Variants in SYT16 observed in about 807,000 individuals in gnomAD.
The protein encoded by SYT16 is synaptotagmin-16.
Under a neutral mutation model 61.4 loss-of-function variants are expected in SYT16, and 42 were observed. The ratio of observed to expected loss-of-function variants is 0.68; its 90% CI spans 0.53 to 0.89. The LOEUF (loss-of-function observed/expected upper bound fraction) is 0.89. Among genes scored for constraint, SYT16 ranks in the 40% least tolerant of loss-of-function variants. The pLI is 0.00. For missense variants in SYT16, 804 were observed against 807.3 expected, an observed-to-expected ratio of 1.00 and a Z score of 0.05; for synonymous variants, 314 against 302.3, an observed-to-expected ratio of 1.04 and a Z score of -0.40.
chr14:61,884,477 T>A lies in SYT16; in HGVS notation c.-325+71667T>A, dbSNP rs571675928. ...ACTGTGCTTCAGTCAATGATATGCA[T>A]ATATCCTACAATGAAAAAATCTAGG... On this transcript the variant is annotated intron_variant, in intron 1 of 7. Coordinates refer to ENST00000683842, the MANE Select transcript of SYT16 (RefSeq NM_001367656.1). 2.6e-5 allele frequency among the ~76,000 whole-genome samples: 4 copies of A among 152,344 alleles called. No individual in the cohort carries two copies. In the South Asian group the frequency reaches 8.3e-4, roughly 32 times the overall value.
chr14:62,003,811 T>C (rs1339251040), intron 3 of SYT16, among the ~76,000 whole-genome samples: 1 of 152,122 alleles, frequency 6.6e-6, no homozygotes, highest in Non-Finnish European at 1.5e-5. Context: ...TAAAAAAAGT[T>C]TGTGAGAAGT....
chr14:61,873,208 A>G (rs572147325), intron 1 of SYT16, among the ~76,000 whole-genome samples: 19 of 152,340 alleles, frequency 1.2e-4, no homozygotes, highest in Admixed American at 1.0e-3. Flanking sequence ...AATGTTTGCT[A>G]TTGCAAGCTT....
chr14:61,832,471 T>C (rs2045971740), intron 1 of SYT16: 2 of 386,320 alleles, frequency 5.2e-6, no homozygotes, highest in Non-Finnish European at 1.0e-5. Flanking sequence ...AGTTTTGCTC[T>C]TGTTGCCCAG....
chr14:62,008,925 A>G (rs2053334407), intron 3 of SYT16, among the ~76,000 whole-genome samples: 1 of 152,182 alleles, frequency 6.6e-6, no homozygotes, highest in Non-Finnish European at 1.5e-5. Flanking sequence ...CTGCAATATT[A>G]ATATCTCTTT....
At chr14:61,864,823 T>C in intron 1 of SYT16, 1 of 1,002,814 alleles carries the variant, frequency 1.0e-6, no homozygotes, top group Non-Finnish European at 1.5e-6. Flanking sequence ...CAGTCTACCA[T>C]TATGACGGTG....
At chr14:62,016,959 C>A (rs1260472188) in intron 3 of SYT16, among the ~76,000 whole-genome samples, 2 of 152,106 alleles carry the variant, frequency 1.3e-5, no homozygotes, top group African/African-American at 4.8e-5. Context: ...GTGCTAGATT[C>A]ATAATAAATA....
chr14:62,062,928 C>T (rs1295872100), intron 3 of SYT16, among the ~76,000 whole-genome samples: 1 of 152,202 alleles, frequency 6.6e-6, no homozygotes, highest in African/African-American at 2.4e-5. Flanking sequence ...AGGCTTGGAG[C>T]TACTCTGATC....
chr14:61,834,743 C>T (rs1223447408), intron 1 of SYT16, among the ~76,000 whole-genome samples: 1 of 152,126 alleles, frequency 6.6e-6, no homozygotes, highest in African/African-American at 2.4e-5. Flanking sequence ...AGCCCTGATT[C>T]ACATTTGATA....
At chr14:62,002,340 AG>A (rs1832776608) in intron 3 of SYT16, among the ~76,000 whole-genome samples, 1 of 152,088 alleles carries the variant, frequency 6.6e-6, no homozygotes, top group Non-Finnish European at 1.5e-5. Flanking sequence ...CATTGTGTTT[AG>A]GGTAGGGGCT....
At chr14:62,061,895 C>T (rs2055843890) in intron 3 of SYT16, among the ~76,000 whole-genome samples, 1 of 152,034 alleles carries the variant, frequency 6.6e-6, no homozygotes, top group Admixed American at 6.5e-5. Flanking sequence ...ATTGGATCTC[C>T]TCCAATTTCT....
chr14:62,069,719 G>A lies in SYT16; in HGVS notation c.640G>A (p.Glu214Lys), dbSNP rs186294844. ...CCAGAGTTTCCGTTCAGTGACATCT[G>A]AGAAAGGAAAGCAGACAGGATTGGA... is the stretch of plus-strand genomic sequence containing the variant. ...RSQSFRSVTS[E>K]KGKQTGLEQK... The change falls in exon 4 of 8, where the codon GAG becomes AAG. Residue 214 changes from glutamate to lysine, a missense_variant. Physicochemically the swap from Glu to Lys is moderately conservative, Grantham distance 56. Transcript: ENST00000683842. 2 of 1,614,012 alleles carry A rather than the reference G, an allele frequency of 1.2e-6. No individual in the cohort carries two copies. The highest frequency in any genetic ancestry group is 2.2e-5 in the East Asian group (1 of 44,882).
intron 3 of SYT16, among the ~76,000 whole-genome samples, chr14:62,047,099 G>A (rs968645643): frequency 6.7e-6 from 1 of 149,636 alleles, no homozygotes; most frequent in African/African-American, 2.4e-5. Context: ...TGGAATGTTT[G>A]TATCCTCTTT....
intron 1 of SYT16, among the ~76,000 whole-genome samples, chr14:61,907,752 ACT>A (rs1170740865): frequency 6.6e-6 from 1 of 152,202 alleles, no homozygotes; most frequent in Non-Finnish European, 1.5e-5. Context: ...CACACAGGTA[ACT>A]CTGGCACAAT....
chr14:62,052,130 T>G (rs1429903074), intron 3 of SYT16, among the ~76,000 whole-genome samples: 1 of 152,234 alleles, frequency 6.6e-6, no homozygotes, highest in Non-Finnish European at 1.5e-5. Context: ...AAACTGTTGG[T>G]TGATAACATC....
chr14:61,882,774 G>A (rs1363553792), intron 1 of SYT16, among the ~76,000 whole-genome samples: 2 of 152,204 alleles, frequency 1.3e-5, no homozygotes, highest in Admixed American at 6.5e-5. Flanking sequence ...AAGCAAGTTA[G>A]TTACTTTCTA....
intron 7 of SYT16, among the ~76,000 whole-genome samples, chr14:62,086,009 G>A (rs1738187754): frequency 6.6e-6 from 1 of 152,142 alleles, no homozygotes; most frequent in Admixed American, 6.5e-5. Flanking sequence ...GAGAATGATG[G>A]GGTTGTGGAT....
intron 3 of SYT16, among the ~76,000 whole-genome samples, chr14:62,043,000 T>C (rs1412990008): frequency 1.3e-5 from 2 of 152,168 alleles, no homozygotes; most frequent in Non-Finnish European, 1.5e-5. Context: ...GTTTTATGTC[T>C]ATGTGGTGGT....
chr14:61,995,906 C>T lies in SYT16; in HGVS notation c.-114C>T. On this transcript the variant is annotated 5_prime_UTR_variant, in exon 3 of 8. Coordinates refer to ENST00000683842, the MANE Select transcript of SYT16 (RefSeq NM_001367656.1). Reference sequence around the variant, plus strand: ...AGTTTTGAGAGTGAAATATTCACAGCCATTAAGAGACCTCCAAATTAATTT... The same window carrying T: ...AGTTTTGAGAGTGAAATATTCACAGTCATTAAGAGACCTCCAAATTAATTT... 1 of 1,045,330 alleles carries T rather than the reference C, an allele frequency of 9.6e-7. No individual in the cohort carries two copies. The highest frequency in any genetic ancestry group is 1.4e-6 in the Non-Finnish European group (1 of 737,138). The allele number at this position is 1,045,330 out of a possible 1,614,324, so 64.8% of individuals were successfully genotyped here. A position where few individuals can be genotyped will look rare whatever the true frequency, so the allele number is the denominator to read the frequency against.
In SYT16 at chr14:61,927,246, A is replaced by C. The variant is rs374042791; in HGVS notation, c.-324-42886A>C. On this transcript the variant is annotated intron_variant, in intron 1 of 7. Coordinates refer to ENST00000683842, the MANE Select transcript of SYT16 (RefSeq NM_001367656.1). ...AGGCTCTATAAAGCTATTCAGTGAA[A>C]AAATGAGTGATGAATACTTGGGAAG... 3.5e-4 allele frequency among the ~76,000 whole-genome samples: 54 copies of C among 152,358 alleles called. 1 individual carries two copies. Among genetic ancestry groups the C allele is most frequent in the African/African-American group, 1.2e-3 (50 of 41,582 alleles).
Sources: gnomAD v4.1 joint callset for allele counts (sites outside exome capture counted in the v4.1 genomes callset) on GRCh38, gnomAD v4.1.1 for gene constraint, MANE v1.5 for transcripts, NCBI Gene and HGNC (gene_info 2026-07-23, HGNC 2026-07-21) for gene names.